Variants in DENND2D observed in about 807,000 individuals in gnomAD.
The protein encoded by DENND2D is DENN domain-containing protein 2D.
In DENND2D, 37 loss-of-function variants were observed where a neutral mutation model predicts 59.8. The observed-to-expected ratio is 0.62, with a 90% CI of 0.48 to 0.81. The LOEUF (loss-of-function observed/expected upper bound fraction) is 0.81, where lower values mean the gene tolerates loss of function less well. Ranked by LOEUF, DENND2D falls within the 40% of genes least tolerant of loss-of-function variation. DENND2D has a pLI of 0.00. For missense variants in DENND2D, 525 were observed against 579.7 expected, an observed-to-expected ratio of 0.91 and a Z score of 0.97; for synonymous variants, 219 against 211.3, an observed-to-expected ratio of 1.04 and a Z score of -0.31.
chr1:111,203,218 A>C (rs1392508580), upstream of DENND2D, among the ~76,000 whole-genome samples: 1 of 152,232 alleles, frequency 6.6e-6, no homozygotes, highest in African/African-American at 2.4e-5. Context: ...AGGGTGTGGC[A>C]GGAGGAATGG....
chr1:111,199,607 C>A lies in DENND2D; in HGVS notation c.243+16G>T. 6.2e-7 allele frequency: 1 copy of A among 1,606,920 alleles called. No homozygotes were observed. The highest frequency in any genetic ancestry group is 1.1e-5 in the South Asian group (1 of 90,314). On this transcript the variant is annotated intron_variant, in intron 2 of 11. Transcript: ENST00000357640. ...CCCAGTCCTCTGGCTGGCCCTGCCC[C>A]TCCTTCAGTCCTTACCTTGGGAAAT...
chr1:111,192,755 TAAGAGAC>T (rs565968057), intron 7 of DENND2D, among the ~76,000 whole-genome samples: 172 of 152,254 alleles, frequency 1.1e-3, no homozygotes, highest in Admixed American at 2.3e-3. Context: ...ACAGTGTAGT[TAAGAGAC>T]AAACATGTAA....
chr1:111,197,691 A>G (rs2101492500), intron 4 of DENND2D: 5 of 1,400,300 alleles, frequency 3.6e-6, no homozygotes, highest in Non-Finnish European at 4.6e-6. Context: ...ATTGAAAGCC[A>G]GAGAGAGCAC....
intron 10 of DENND2D, 51 bp from the exon 11 acceptor site, chr1:111,188,421 C>T: frequency 6.3e-7 from 1 of 1,592,542 alleles, no homozygotes; most frequent in South Asian, 1.1e-5. Context: ...GATGAAATTA[C>T]CCAAACTCAC....
chr1:111,197,376 G>A, intron 4 of DENND2D, 123 bp from the exon 5 acceptor site: 2 of 1,494,146 alleles, frequency 1.3e-6, no homozygotes, highest in Non-Finnish European at 1.8e-6. Context: ...GGTGGGTGCA[G>A]CAGGGAGGTC....
chr1:111,193,016 G>A (rs912442929), intron 7 of DENND2D, among the ~76,000 whole-genome samples: 4 of 152,242 alleles, frequency 2.6e-5, no homozygotes, highest in Admixed American at 6.5e-5. Flanking sequence ...AGCATTTCTC[G>A]TCACTCCTGC....
rs921737383 is a variant in DENND2D at position 111,189,317 on chromosome 1, C to T, written c.973-64G>A. On this transcript the variant is annotated intron_variant, in intron 8 of 11. Coordinates refer to ENST00000357640, the MANE Select transcript of DENND2D (RefSeq NM_024901.5). ...CTTCATAGACCCCCAGAGGATTTAC[C>T]GTCTTGATTTCTGCCTGTGGCTGTA... 8.1e-5 allele frequency: 128 copies of T among 1,581,132 alleles called. 1 individual carries two copies. Among genetic ancestry groups the T allele is most frequent in the Non-Finnish European group, 9.8e-5 (113 of 1,152,404 alleles).
upstream of DENND2D, among the ~76,000 whole-genome samples, chr1:111,201,776 A>C (rs1424630255): frequency 2.0e-5 from 3 of 152,220 alleles, no homozygotes; most frequent in African/African-American, 7.2e-5. Flanking sequence ...TTTGCTCCTA[A>C]GAGCTCTAGA....
chr1:111,193,333 C>A lies in DENND2D; in HGVS notation c.795-1016G>T, dbSNP rs564616908. Among the ~76,000 whole-genome samples, 11 of 152,302 alleles carry A rather than the reference C, an allele frequency of 7.2e-5. 1 individual carries two copies. In the East Asian group the frequency reaches 2.1e-3, roughly 29 times the overall value. ...GGAAGTGGGGAGTGGTGGGATTTCC[C>A]TGAAGAAAGTAAACGTCTGAGAGGT... On this transcript the variant is annotated intron_variant, in intron 7 of 11. Transcript: ENST00000357640.
upstream of DENND2D, chr1:111,204,188 G>T (rs1275358278): frequency 1.8e-5 from 21 of 1,159,012 alleles, no homozygotes; most frequent in Non-Finnish European, 2.3e-5. Context: ...AACTGCTCCC[G>T]GATCTCGACG....
At chr1:111,195,591 T>G (rs1571189004) in intron 6 of DENND2D, 3 of 289,968 alleles carry the variant, frequency 1.0e-5, no homozygotes, top group South Asian at 3.1e-5. Context: ...CAAAGGAGAG[T>G]GGAAGGGGGG....
upstream of DENND2D, chr1:111,204,046 C>G (rs1222826668): frequency 2.3e-6 from 1 of 443,866 alleles, no homozygotes; most frequent in African/African-American, 2.1e-5. Context: ...CAACGGCTTC[C>G]TGTGTCCCGC....
chr1:111,198,493 G>C (rs1190450877), intron 3 of DENND2D, 137 bp downstream of exon 3: 1 of 812,706 alleles, frequency 1.2e-6, no homozygotes, highest in African/African-American at 1.7e-5. Context: ...CAGGCCAGAT[G>C]TTTTCAAACA....
In DENND2D at chr1:111,188,111, G is replaced by A; in HGVS notation, c.1339+20C>T. 4.3e-6 allele frequency: 7 copies of A among 1,614,014 alleles called. No homozygotes were observed. The highest frequency in any genetic ancestry group is 5.9e-6 in the Non-Finnish European group (7 of 1,179,934). On this transcript the variant is annotated intron_variant, in intron 11 of 11. Transcript: ENST00000357640. ...AGGTAACCCTCTATGGGCTTAGACT[G>A]ATGGGGACTGTTACTGTACCTGCAG...
At chr1:111,192,524 A>G (rs981180785) in intron 7 of DENND2D, among the ~76,000 whole-genome samples, 2 of 152,158 alleles carry the variant, frequency 1.3e-5, no homozygotes, top group South Asian at 2.1e-4. Context: ...AGGCTTCACT[A>G]TCAAGAAGGG....
chr1:111,204,393 T>C (rs952041787), upstream of DENND2D: 21 of 1,357,216 alleles, frequency 1.5e-5, no homozygotes, highest in South Asian at 3.6e-4. Context: ...AGCTCCGCGC[T>C]GGCCCCGCCC....
chr1:111,197,781 G>A (rs886269520), intron 4 of DENND2D, 139 bp downstream of exon 4: 9 of 1,461,252 alleles, frequency 6.2e-6, no homozygotes, highest in South Asian at 1.4e-5. Context: ...CACTAGCATG[G>A]CAGCAGGTCC....
chr1:111,200,386 TC>T lies in DENND2D; in HGVS notation c.67+6del, dbSNP rs772142325. ...AAAAACAAGGAAGTAGGCAGTCCAG[TC>T]CTGACCTGCTCGGAGTTGAAGCAGT... On this transcript the variant is annotated splice_donor_region_variant and intron_variant, in intron 1 of 11. Transcript: ENST00000357640. The T allele has an allele frequency of 1.2e-6, 2 of 1,610,822 alleles. No homozygotes were observed. The highest frequency in any genetic ancestry group is 1.7e-6 in the Non-Finnish European group (2 of 1,178,398).
chr1:111,204,461 G>T, upstream of DENND2D: 1 of 1,176,706 alleles, frequency 8.5e-7, no homozygotes, highest in Non-Finnish European at 1.1e-6. Context: ...GGGAGGCCTA[G>T]GGGACAGGTT....
Sources: gnomAD v4.1 joint callset for allele counts (sites outside exome capture counted in the v4.1 genomes callset) on GRCh38, gnomAD v4.1.1 for gene constraint, MANE v1.5 for transcripts, NCBI Gene and HGNC (gene_info 2026-07-23, HGNC 2026-07-21) for gene names.